Variants in KLF12 observed in about 807,000 individuals in gnomAD.
The protein encoded by KLF12 is KLF transcription factor 12.
In KLF12, 9 loss-of-function variants were observed where a neutral mutation model predicts 37.8. The ratio of observed to expected loss-of-function variants is 0.24; its 90% CI spans 0.14 to 0.42. The LOEUF is 0.42. KLF12 is among the 10% of genes least tolerant of loss of function. KLF12 has a pLI of 1.00. For missense variants in KLF12, 411 were observed against 516.0 expected (o/e 0.80, Z 1.97); for synonymous variants, 208 against 202.1 (o/e 1.03, Z -0.25).
At chr13:73,886,794 C>G (rs1887242506) in intron 3 of KLF12, among the ~76,000 whole-genome samples, 1 of 152,024 alleles carries the variant, frequency 6.6e-6, no homozygotes, top group Admixed American at 6.6e-5. Flanking sequence ...GAGTTCAAGA[C>G]CAGCCTGACC....
At chr13:73,764,542 T>C (rs1320994954) in intron 6 of KLF12, among the ~76,000 whole-genome samples, 1 of 152,056 alleles carries the variant, frequency 6.6e-6, no homozygotes, top group Admixed American at 6.6e-5. Context: ...CTGAGTTCGT[T>C]GTAATCCCCA....
chr13:73,868,628 T>A (rs751678561), intron 3 of KLF12, among the ~76,000 whole-genome samples: 2 of 152,058 alleles, frequency 1.3e-5, no homozygotes, highest in Non-Finnish European at 2.9e-5. Context: ...CCTGACCTCA[T>A]GATTTGCCCA....
At chr13:74,161,883 T>C in the KLF12 span, among the ~76,000 whole-genome samples, 3 of 152,250 alleles carry the variant, frequency 2.0e-5, no homozygotes, top group Non-Finnish European at 2.9e-5. Flanking sequence ...GGGGGAATCA[T>C]ATGAAATGCT....
chr13:73,815,003 T>C (rs1883137319), intron 4 of KLF12, among the ~76,000 whole-genome samples: 2 of 151,772 alleles, frequency 1.3e-5, no homozygotes. Flanking sequence ...AACAAGGAAA[T>C]TGTCACATAC....
the KLF12 span, among the ~76,000 whole-genome samples, chr13:74,227,547 G>A: frequency 6.6e-6 from 1 of 151,830 alleles, no homozygotes; most frequent in Admixed American, 6.6e-5. Flanking sequence ...TTGATTCCTT[G>A]GCCAAAGTTT....
intron 5 of KLF12, among the ~76,000 whole-genome samples, chr13:73,796,988 A>G (rs1882009874): frequency 6.6e-6 from 1 of 152,178 alleles, no homozygotes; most frequent in Non-Finnish European, 1.5e-5. Context: ...AAAAGGCATC[A>G]GAAAGTGGCT....
chr13:74,014,630 A>T (rs1181179356), intron 1 of KLF12, among the ~76,000 whole-genome samples: 4 of 152,256 alleles, frequency 2.6e-5, no homozygotes, highest in African/African-American at 9.6e-5. Flanking sequence ...ATATTCCAGT[A>T]GCATTGACCG....
chr13:74,009,176 C>A (rs973702248), intron 1 of KLF12, among the ~76,000 whole-genome samples: 4 of 152,184 alleles, frequency 2.6e-5, no homozygotes, highest in African/African-American at 9.6e-5. Context: ...TGTAAATAAT[C>A]TGTTTCCCTA....
intron 3 of KLF12, among the ~76,000 whole-genome samples, chr13:73,878,649 C>T (rs762485359): frequency 2.6e-5 from 4 of 152,038 alleles, no homozygotes; most frequent in Non-Finnish European, 4.4e-5. Context: ...ATTTTTCTAA[C>T]AAGAAAAGGC....
At chr13:73,725,836 TTTATTTATTTA>T (rs1225364397) in intron 6 of KLF12, among the ~76,000 whole-genome samples, 2 of 8,022 alleles carry the variant, frequency 2.5e-4, no homozygotes, top group East Asian at 5.8e-3. Flanking sequence ...TCAAAATGTA[TTTATTTATTTA>T]TTTATTTATT....
At chr13:74,092,408 G>C (rs1875725837) in intron 1 of KLF12, among the ~76,000 whole-genome samples, 1 of 151,382 alleles carries the variant, frequency 6.6e-6, no homozygotes, top group Non-Finnish European at 1.5e-5. Flanking sequence ...CAGATCACTT[G>C]GGGTCAGGAG....
intron 3 of KLF12, among the ~76,000 whole-genome samples, chr13:73,863,368 T>C (rs1376810739): frequency 1.3e-5 from 2 of 152,152 alleles, no homozygotes; most frequent in Non-Finnish European, 2.9e-5. Flanking sequence ...GTTTGTGTAC[T>C]GGTTCTGCTC....
chr13:74,058,001 C>G (rs1391782559), intron 1 of KLF12, among the ~76,000 whole-genome samples: 1 of 149,710 alleles, frequency 6.7e-6, no homozygotes, highest in Admixed American at 6.6e-5. Flanking sequence ...GAGTCTCACT[C>G]TGTCACCCAG....
intron 3 of KLF12, among the ~76,000 whole-genome samples, chr13:73,851,568 G>C (rs567138073): frequency 2.4e-4 from 36 of 152,246 alleles, no homozygotes; most frequent in African/African-American, 8.4e-4. Context: ...CCACACTTCA[G>C]TGTGCATCCA....
At chr13:74,033,835 T>A (rs961933639) in intron 1 of KLF12, among the ~76,000 whole-genome samples, 6 of 152,116 alleles carry the variant, frequency 3.9e-5, no homozygotes, top group African/African-American at 1.4e-4. Flanking sequence ...GTAATCAGAT[T>A]ATAAATGGTT....
chr13:73,813,197 T>C lies in KLF12; in HGVS notation c.761A>G (p.Asn254Ser). Residue 254 changes from asparagine to serine, a missense_variant, in exon 5 of 8, where the codon AAT becomes AGT. Around this residue, in one of 2 missense-constraint regions of KLF12, gnomAD observed 351 missense variants for 397.8 expected, o/e 0.88. Transcript: ENST00000377669. The stretch of plus-strand genomic sequence containing the variant: ...GGAAAGGGCCGTAGATCCAGTTTCA[T>C]TAACGCTATCTAAGGTCACATTTGG... 6.2e-7 allele frequency: 1 copy of C among 1,614,098 alleles called. No homozygotes were observed. The highest frequency in any genetic ancestry group is 8.5e-7 in the Non-Finnish European group (1 of 1,179,964).
At chr13:73,877,413 G>A (rs1307821050) in intron 3 of KLF12, among the ~76,000 whole-genome samples, 3 of 152,088 alleles carry the variant, frequency 2.0e-5, no homozygotes, top group African/African-American at 7.2e-5. Flanking sequence ...GAATCTTTTA[G>A]CTGAATGCTT....
the KLF12 span, among the ~76,000 whole-genome samples, chr13:74,141,361 T>A: frequency 6.6e-6 from 1 of 151,926 alleles, no homozygotes; most frequent in Non-Finnish European, 1.5e-5. Context: ...AGATAGCTGA[T>A]AGAGAAGAAT....
At chr13:74,079,113 T>G (rs530582706) in intron 1 of KLF12, among the ~76,000 whole-genome samples, 39 of 152,270 alleles carry the variant, frequency 2.6e-4, no homozygotes, top group African/African-American at 9.4e-4. Context: ...CAAGGTATTT[T>G]CAAACTTCTT....
Sources: gnomAD v4.1 joint callset for allele counts (sites outside exome capture counted in the v4.1 genomes callset) on GRCh38, gnomAD v4.1.1 for gene constraint, gnomAD v4.1.1 regional missense constraint, MANE v1.5 for transcripts, NCBI Gene and HGNC (gene_info 2026-07-23, HGNC 2026-07-21) for gene names.